FARP1: variants seen among roughly 807,000 people sequenced by gnomAD.
FARP1 encodes FERM, ARHGEF and pleckstrin domain-containing protein 1.
Under a neutral mutation model 128.8 loss-of-function variants are expected in FARP1, and 52 were observed. That is an observed-to-expected ratio of 0.40 (90% confidence interval 0.32 to 0.51). The LOEUF (loss-of-function observed/expected upper bound fraction) is 0.51. FARP1 is among the 20% of genes least tolerant of loss of function. The probability of loss-of-function intolerance (pLI) is 0.45; values close to 1 mark genes in which losing one functional copy is unlikely to be tolerated. For synonymous variants in FARP1, 580 were observed against 551.8 expected (o/e 1.05, Z -0.72); for missense variants, 1,333 against 1,367.9 (o/e 0.97, Z 0.40).
intron 3 of FARP1, among the ~76,000 whole-genome samples, chr13:98,361,337 C>A (rs1888864800): frequency 6.6e-6 from 1 of 152,172 alleles, no homozygotes; most frequent in South Asian, 2.1e-4. Context: ...GCTCCCAGCC[C>A]CATGTGTTAT....
At chr13:98,406,305 G>T (rs1890969036) in intron 13 of FARP1, 1 of 152,204 alleles carries the variant, frequency 6.6e-6, no homozygotes, top group African/African-American at 2.4e-5. Context: ...GCCTCGGATT[G>T]TTTATCTTGC....
intron 13 of FARP1, chr13:98,397,031 G>C (rs774616784): frequency 2.0e-5 from 3 of 152,222 alleles, no homozygotes; most frequent in Non-Finnish European, 2.9e-5. Flanking sequence ...AGATTATGTT[G>C]GTGAAATCTT....
chr13:98,144,204 G>A (rs909946085), intron 1 of FARP1, among the ~76,000 whole-genome samples: 11 of 146,088 alleles, frequency 7.5e-5, no homozygotes, highest in African/African-American at 3.0e-4. Context: ...CGGAGACTCT[G>A]TGTGTGTGTG....
chr13:98,453,354 A>G lies in FARP1; in HGVS notation c.*5037A>G. 3.8e-6 allele frequency: 3 copies of G among 796,368 alleles called. No homozygotes were observed. The highest frequency in any genetic ancestry group is 6.0e-6 in the Non-Finnish European group (3 of 500,318). The allele number at this position is 796,368 out of a possible 1,614,324, so 49.3% of individuals were successfully genotyped here. ...GGAGCAAATATCAATGTGTAAGTCT[A>G]ATTTTAAAAGAATGCATATAAAGAC... is the stretch of plus-strand genomic sequence containing the variant. On this transcript the variant is annotated 3_prime_UTR_variant, in exon 27 of 27. Coordinates refer to ENST00000319562, the MANE Select transcript of FARP1 (RefSeq NM_005766.4).
At chr13:98,296,532 A>C (rs1885704260) in intron 2 of FARP1, among the ~76,000 whole-genome samples, 1 of 150,812 alleles carries the variant, frequency 6.6e-6, no homozygotes, top group East Asian at 2.0e-4. Context: ...CTCTTCATGC[A>C]CATCCTCCAC....
At chr13:98,428,501 A>G (rs1434281822) in intron 17 of FARP1, among the ~76,000 whole-genome samples, 1 of 152,016 alleles carries the variant, frequency 6.6e-6, no homozygotes, top group Admixed American at 6.6e-5. Context: ...CCAACCCACT[A>G]CTTATATGAT....
chr13:98,324,750 G>A (rs560669436), intron 2 of FARP1, among the ~76,000 whole-genome samples: 2 of 152,104 alleles, frequency 1.3e-5, no homozygotes, highest in African/African-American at 2.4e-5. Flanking sequence ...TCCCTTTCCC[G>A]TTTGTGCTAG....
At chr13:98,419,290 A>G (rs1891501946) in intron 16 of FARP1, among the ~76,000 whole-genome samples, 1 of 152,176 alleles carries the variant, frequency 6.6e-6, no homozygotes, top group South Asian at 2.1e-4. Context: ...CCTTGCCAAC[A>G]TGGTGAAACC....
intron 3 of FARP1, among the ~76,000 whole-genome samples, chr13:98,352,942 A>G (rs1888496657): frequency 6.6e-6 from 1 of 152,176 alleles, no homozygotes. Context: ...GTTTCAGAGT[A>G]ACTGCATATG....
intron 2 of FARP1, among the ~76,000 whole-genome samples, chr13:98,307,986 C>T (rs1412221088): frequency 1.3e-5 from 2 of 151,194 alleles, no homozygotes; most frequent in African/African-American, 4.9e-5. Flanking sequence ...AACAGGCTGC[C>T]CCTGGCCTGG....
chr13:98,444,373 A>C (rs1892689193), intron 24 of FARP1, among the ~76,000 whole-genome samples: 1 of 152,104 alleles, frequency 6.6e-6, no homozygotes, highest in African/African-American at 2.4e-5. Context: ...ATGGGATCCA[A>C]GAAGGGAGAG....
chr13:98,395,689 C>G, intron 13 of FARP1: 1 of 557,286 alleles, frequency 1.8e-6, no homozygotes, highest in Non-Finnish European at 3.0e-6. Context: ...AGAGGCTGGG[C>G]GTAGGGCTTC....
chr13:98,154,693 T>A (rs547799395), intron 1 of FARP1, among the ~76,000 whole-genome samples: 2 of 152,282 alleles, frequency 1.3e-5, no homozygotes, highest in East Asian at 3.9e-4. Flanking sequence ...GGGATAATCA[T>A]TCAAAAATAA....
At chr13:98,390,236 C>T in intron 10 of FARP1, 116 bp downstream of exon 10, 6 of 1,154,950 alleles carry the variant, frequency 5.2e-6, no homozygotes, top group Non-Finnish European at 7.3e-6. Context: ...CCTCCAGGAG[C>T]TATGGCCAAG....
chr13:98,317,959 G>C (rs9584795), intron 2 of FARP1, among the ~76,000 whole-genome samples: 1 of 127,956 alleles, frequency 7.8e-6, no homozygotes, highest in African/African-American at 2.9e-5. Context: ...TCTCTCCTGC[G>C]TTTCCTTCCT....
intron 16 of FARP1, among the ~76,000 whole-genome samples, chr13:98,417,455 G>GAAAAAAAAA (rs869304302): frequency 3.8e-4 from 22 of 58,472 alleles, no homozygotes; most frequent in Non-Finnish European, 5.7e-4. Context: ...CCAGAGGTTT[G>GAAAAAAAAA]AAAAAAAAAA....
chr13:98,202,112 G>C (rs1271209390), intron 1 of FARP1, among the ~76,000 whole-genome samples: 1 of 152,168 alleles, frequency 6.6e-6, no homozygotes, highest in Non-Finnish European at 1.5e-5. Context: ...CTTTGCTTTT[G>C]AGGAGGGCCG....
chr13:98,176,563 T>C lies in FARP1; in HGVS notation c.-24+33071T>C. ...ACCCTCTTCAAGCTCCCGTTCAATC[T>C]CCCACCCGAGCTTGTAATCGGAACG... On this transcript the variant is annotated intron_variant, in intron 1 of 26. Transcript: ENST00000319562. This position sits in a 1 kb window ranked among gnomAD's most constrained non-coding sequence, Gnocchi z 6.2. 1 of 1,614,156 alleles carries C rather than the reference T, an allele frequency of 6.2e-7. No individual in the cohort carries two copies. The highest frequency in any genetic ancestry group is 8.5e-7 in the Non-Finnish European group (1 of 1,180,026).
intron 2 of FARP1, among the ~76,000 whole-genome samples, chr13:98,246,187 T>C (rs55997937): frequency 9.0e-5 from 11 of 122,698 alleles, no homozygotes; most frequent in East Asian, 2.8e-4. Flanking sequence ...CTCCGCCCCC[T>C]GGGGTTCACG....
Sources: gnomAD v4.1 joint callset for allele counts (sites outside exome capture counted in the v4.1 genomes callset) on GRCh38, gnomAD v4.1.1 for gene constraint, Gnocchi (gnomAD v3.1) non-coding constraint, MANE v1.5 for transcripts, NCBI Gene and HGNC (gene_info 2026-07-23, HGNC 2026-07-21) for gene names.